Variants in TLN2 observed in about 807,000 individuals in gnomAD.
The protein encoded by TLN2 is talin 2, also known as talin-2.
In TLN2, 118 loss-of-function variants were observed where a neutral mutation model predicts 294.7. The observed-to-expected ratio is 0.40, with a 90% CI of 0.34 to 0.47. TLN2 has a LOEUF of 0.47. TLN2 is among the 20% of genes least tolerant of loss of function. The pLI, the probability that TLN2 is intolerant of heterozygous loss-of-function variation, is 0.84. For synonymous variants in TLN2, 1,431 were observed against 1,304.5 expected (o/e 1.10, Z -2.09); for missense variants, 3,083 against 3,282.2 (o/e 0.94, Z 1.48).
chr15:62,419,631 G>C (rs2034274515), intron 1 of TLN2, among the ~76,000 whole-genome samples: 1 of 138,654 alleles, frequency 7.2e-6, no homozygotes, highest in Admixed American at 7.6e-5. Context: ...TGAAGAAGCA[G>C]AGGTCTTTTT....
At chr15:62,518,957 T>C (rs1438012155) in intron 1 of TLN2, among the ~76,000 whole-genome samples, 3 of 152,354 alleles carry the variant, frequency 2.0e-5, no homozygotes, top group African/African-American at 7.2e-5. Flanking sequence ...TTGGGCACTT[T>C]ACATGTGCCA....
chr15:62,831,953 G>A (rs2068892094), intron 54 of TLN2: 1 of 152,162 alleles, frequency 6.6e-6, no homozygotes, highest in Non-Finnish European at 1.5e-5. Flanking sequence ...GGTGGCTTTG[G>A]CTAGTTAAAG....
intron 11 of TLN2, chr15:62,683,012 A>G (rs1406516026): frequency 6.6e-6 from 1 of 152,262 alleles, no homozygotes; most frequent in Non-Finnish European, 1.5e-5. Context: ...GCTAATAAAC[A>G]GGGTCTTCAG....
In TLN2 at chr15:62,708,400, C is replaced by A; in HGVS notation, c.2173-102C>A. ...AGCAGTGGTCCTGTAAGTAAGAAACCGAGGCCCAGAGCAGGAAGGGCTTTG... is the reference window on the plus strand; with the variant it reads ...AGCAGTGGTCCTGTAAGTAAGAAACAGAGGCCCAGAGCAGGAAGGGCTTTG... On this transcript the variant is annotated intron_variant, in intron 20 of 58. Coordinates refer to ENST00000636159, the MANE Select transcript of TLN2 (RefSeq NM_015059.3). 2.4e-6 allele frequency: 3 copies of A among 1,241,766 alleles called. No homozygotes were observed. In the South Asian group the frequency reaches 4.2e-5, roughly 17 times the overall value. 76.9% of individuals were successfully genotyped at this position (1,241,766 alleles called of 1,614,324 possible). A position where few individuals can be genotyped will look rare whatever the true frequency, so the allele number is the denominator to read the frequency against.
chr15:62,800,793 CT>C (rs144703742), intron 50 of TLN2, 24 bp downstream of exon 50: 36,866 of 1,590,332 alleles, frequency 0.023, 524 homozygotes, highest in Middle Eastern at 0.034. Context: ...AGTTACCTCC[CT>C]TGGGTACCAG....
At chr15:62,482,385 C>T (rs2140386914) in intron 1 of TLN2, among the ~76,000 whole-genome samples, 1 of 151,838 alleles carries the variant, frequency 6.6e-6, no homozygotes, top group African/African-American at 2.4e-5. Flanking sequence ...GGTGGATCAC[C>T]TGAGGTCGGG....
At chr15:62,528,463 C>T (rs1175483858) in intron 1 of TLN2, among the ~76,000 whole-genome samples, 2 of 152,116 alleles carry the variant, frequency 1.3e-5, no homozygotes, top group Non-Finnish European at 2.9e-5. Flanking sequence ...TGTATCCTGG[C>T]TTGGGCATGT....
intron 22 of TLN2, among the ~76,000 whole-genome samples, chr15:62,715,697 C>T (rs995347824): frequency 1.3e-5 from 2 of 152,168 alleles, no homozygotes; most frequent in Non-Finnish European, 1.5e-5. Flanking sequence ...GACGGCATTA[C>T]ATTTCTCTCA....
chr15:62,715,876 C>T (rs531803325), intron 22 of TLN2, among the ~76,000 whole-genome samples: 1 of 152,186 alleles, frequency 6.6e-6, no homozygotes, highest in Non-Finnish European at 1.5e-5. Flanking sequence ...TTCCCTCTGT[C>T]CCCACCTGAG....
At chr15:62,838,416 T>G (rs2070070812) in intron 57 of TLN2, among the ~76,000 whole-genome samples, 1 of 152,090 alleles carries the variant, frequency 6.6e-6, no homozygotes. Context: ...GGAGAGGGTA[T>G]GGGTAGAGCT....
In TLN2 at chr15:62,707,108, A is replaced by G. The variant is rs774782581; in HGVS notation, c.2027A>G (p.Lys676Arg). 1 of 1,613,888 alleles carries G rather than the reference A, an allele frequency of 6.2e-7. No homozygotes were observed. The highest frequency in any genetic ancestry group is 8.5e-7 in the Non-Finnish European group (1 of 1,179,858). Residue 676 changes from lysine (K) to arginine (R), a missense_variant, in exon 20 of 59, where the codon AAA (lysine) becomes AGA (arginine). Coordinates refer to ENST00000636159, the MANE Select transcript of TLN2 (RefSeq NM_015059.3). Reference protein sequence around the residue: ...RFQDVLMSLAKAVANAAAMLV... With the variant: ...RFQDVLMSLARAVANAAAMLV... ...TAGGATGTTTTAATGAGTTTGGCCA[A>G]AGCTGTTGCCAATGCAGCTGCCATG...
intron 1 of TLN2, among the ~76,000 whole-genome samples, chr15:62,588,687 TA>T (rs2045845216): frequency 2.9e-5 from 4 of 137,204 alleles, no homozygotes; most frequent in African/African-American, 1.1e-4. Context: ...TATATATATA[TA>T]TATATATATA....
rs189659936 is a variant in TLN2 at position 62,805,654 on chromosome 15, A to C, written c.6532A>C (p.Arg2178=). 2.1e-5 allele frequency: 34 copies of C among 1,614,164 alleles called. No homozygotes were observed. Among genetic ancestry groups the C allele is most frequent in the Non-Finnish European group, 2.6e-5 (31 of 1,179,994 alleles). The change falls in exon 51 of 59, where the codon AGG becomes CGG. Residue 2178 remains arginine (R), a synonymous_variant. Coordinates refer to ENST00000636159, the MANE Select transcript of TLN2 (RefSeq NM_015059.3). The stretch of plus-strand genomic sequence containing the variant: ...GACATCATCACCTGAAGAATCCATA[A>C]GGATGACGAAAGGCATCACCATGGC... ...EKTSSPEESI[R]MTKGITMATA...
intron 40 of TLN2, among the ~76,000 whole-genome samples, chr15:62,764,459 A>G (rs1288657318): frequency 6.6e-6 from 1 of 152,140 alleles, no homozygotes; most frequent in African/African-American, 2.4e-5. Context: ...CATTTTTATT[A>G]ATAGAGCTGT....
chr15:62,582,246 A>ACACACACACACCC (rs764248336), intron 1 of TLN2, among the ~76,000 whole-genome samples: 1 of 137,240 alleles, frequency 7.3e-6, no homozygotes, highest in Admixed American at 7.5e-5. Flanking sequence ...ACACACACAC[A>ACACACACACACCC]CATTCATGCC....
At chr15:62,399,062 A>G (rs2032793393) in intron 1 of TLN2, among the ~76,000 whole-genome samples, 1 of 152,026 alleles carries the variant, frequency 6.6e-6, no homozygotes, top group Admixed American at 6.6e-5. Context: ...GGGCCAAAGT[A>G]CAGCTTAGGC....
intron 54 of TLN2, among the ~76,000 whole-genome samples, 175 bp downstream of exon 54, chr15:62,820,785 T>A (rs1293974355): frequency 6.6e-6 from 1 of 152,074 alleles, no homozygotes; most frequent in African/African-American, 2.4e-5. Flanking sequence ...GGTAAAAAAA[T>A]GGCTGATGAG....
At chr15:62,838,015 T>A (rs1207976317) in intron 57 of TLN2, 1 of 152,194 alleles carries the variant, frequency 6.6e-6, no homozygotes, top group Non-Finnish European at 1.5e-5. Flanking sequence ...AGCTGGCATG[T>A]CCCTGGGGAC....
Position 62,500,496 on chromosome 15 carries a change from C to A in TLN2, c.-237-89191C>A, listed in dbSNP as rs141658671. On this transcript the variant is annotated intron_variant, in intron 1 of 58. Coordinates refer to ENST00000636159, the MANE Select transcript of TLN2 (RefSeq NM_015059.3). ...TCCATACTGCAAAACAAGAAGACAC[C>A]TTTGCAGTGGATTAGAATGTTTAAA... is the stretch of plus-strand genomic sequence containing the variant. 3.3e-3 allele frequency among the ~76,000 whole-genome samples: 507 copies of A among 152,294 alleles called. 2 individuals are homozygous for A. Among genetic ancestry groups the A allele is most frequent in the African/African-American group, 0.011 (471 of 41,556 alleles).
Sources: gnomAD v4.1 joint callset for allele counts (sites outside exome capture counted in the v4.1 genomes callset) on GRCh38, gnomAD v4.1.1 for gene constraint, MANE v1.5 for transcripts, NCBI Gene and HGNC (gene_info 2026-07-23, HGNC 2026-07-21) for gene names.